Variants in NKAIN2 observed in about 807,000 individuals in gnomAD.
The protein encoded by NKAIN2 is sodium/potassium-transporting ATPase subunit beta-1-interacting protein 2.
In NKAIN2, 14 loss-of-function variants were observed where a neutral mutation model predicts 32.6. The ratio of observed to expected loss-of-function variants is 0.43; its 90% CI spans 0.28 to 0.67. The LOEUF (loss-of-function observed/expected upper bound fraction) is 0.67, where lower values mean the gene tolerates loss of function less well. NKAIN2 is among the 30% of genes least tolerant of loss of function. The probability of loss-of-function intolerance (pLI) is 0.17; values close to 1 mark genes in which losing one functional copy is unlikely to be tolerated. For synonymous variants in NKAIN2, 80 were observed against 87.2 expected (o/e 0.92, Z 0.46); for missense variants, 198 against 258.3 (o/e 0.77, Z 1.60).
intron 2 of NKAIN2, among the ~76,000 whole-genome samples, chr6:124,354,108 C>T (rs1310586539): frequency 6.6e-6 from 1 of 152,174 alleles, no homozygotes; most frequent in African/African-American, 2.4e-5. Context: ...TCGTTTTAAG[C>T]TTGATTCATC....
chr6:124,366,362 T>C (rs1799517319), intron 3 of NKAIN2, among the ~76,000 whole-genome samples: 2 of 152,250 alleles, frequency 1.3e-5, no homozygotes, highest in Admixed American at 6.5e-5. Context: ...GACAAATTCT[T>C]TGGAGACCAC....
intron 4 of NKAIN2, among the ~76,000 whole-genome samples, chr6:124,694,503 TG>T (rs1318787397): frequency 1.3e-5 from 2 of 152,232 alleles, no homozygotes; most frequent in African/African-American, 4.8e-5. Flanking sequence ...CATTTATTGT[TG>T]CCATTCCTGC....
intron 1 of NKAIN2, among the ~76,000 whole-genome samples, chr6:123,813,599 G>T (rs1022413800): frequency 6.6e-6 from 1 of 152,094 alleles, no homozygotes; most frequent in African/African-American, 2.4e-5. Flanking sequence ...ATCACCTGAG[G>T]TCAGGAGTTC....
chr6:124,739,103 T>C (rs956067983), intron 4 of NKAIN2, among the ~76,000 whole-genome samples: 4 of 151,850 alleles, frequency 2.6e-5, no homozygotes, highest in South Asian at 4.1e-4. Flanking sequence ...AACTGTTCAA[T>C]ATAGGCAATA....
chr6:124,358,710 C>A lies in NKAIN2; in HGVS notation c.273+3363C>A, dbSNP rs548140561. On this transcript the variant is annotated intron_variant, in intron 3 of 6. Transcript: ENST00000368417. ...TGAGTAGATTGCACAAATTTTCTCCCATGTTGTAGGTTGCCTGTTCACTCT... is the reference window on the plus strand; with the variant it reads ...TGAGTAGATTGCACAAATTTTCTCCAATGTTGTAGGTTGCCTGTTCACTCT... Among the ~76,000 whole-genome samples, 243 of 151,984 alleles carry A rather than the reference C, an allele frequency of 1.6e-3. 1 individual carries two copies. The highest frequency in any genetic ancestry group is 5.5e-3 in the African/African-American group (228 of 41,348).
At chr6:124,238,907 G>C (rs1792924843) in intron 1 of NKAIN2, among the ~76,000 whole-genome samples, 1 of 152,120 alleles carries the variant, frequency 6.6e-6, no homozygotes, top group African/African-American at 2.4e-5. Context: ...CATAATGACA[G>C]GAACAAATTC....
At chr6:124,262,197 G>A (rs1313408882) in intron 1 of NKAIN2, among the ~76,000 whole-genome samples, 1 of 152,102 alleles carries the variant, frequency 6.6e-6, no homozygotes, top group East Asian at 1.9e-4. Flanking sequence ...AATAGACATT[G>A]AATAATCATT....
At chr6:124,652,401 A>G (rs1784398232) in intron 3 of NKAIN2, among the ~76,000 whole-genome samples, 1 of 152,156 alleles carries the variant, frequency 6.6e-6, no homozygotes, top group African/African-American at 2.4e-5. Flanking sequence ...GTAATCCTCC[A>G]TTTATAGCAA....
intron 1 of NKAIN2, among the ~76,000 whole-genome samples, chr6:123,971,842 T>A (rs1323297501): frequency 6.6e-6 from 1 of 152,170 alleles, no homozygotes; most frequent in Non-Finnish European, 1.5e-5. Flanking sequence ...TTTTGAAAAA[T>A]GCTTTAAGAT....
chr6:123,911,461 G>C (rs1222605676), intron 1 of NKAIN2, among the ~76,000 whole-genome samples: 2 of 151,922 alleles, frequency 1.3e-5, no homozygotes, highest in Non-Finnish European at 2.9e-5. Flanking sequence ...AGGACACTAA[G>C]AGTGAGAACT....
chr6:124,204,575 G>T (rs1790763707), intron 1 of NKAIN2, among the ~76,000 whole-genome samples: 1 of 151,686 alleles, frequency 6.6e-6, no homozygotes, highest in East Asian at 1.9e-4. Flanking sequence ...ACGGTTAAGT[G>T]GTCATGTTAG....
At chr6:124,034,939 T>C (rs1338450394) in intron 1 of NKAIN2, among the ~76,000 whole-genome samples, 2 of 151,940 alleles carry the variant, frequency 1.3e-5, no homozygotes, top group South Asian at 2.1e-4. Flanking sequence ...TACCCTTTTT[T>C]CTAACCACTT....
intron 4 of NKAIN2, among the ~76,000 whole-genome samples, chr6:124,681,530 T>C (rs1773619483): frequency 6.6e-6 from 1 of 152,088 alleles, no homozygotes; most frequent in African/African-American, 2.4e-5. Context: ...TAATTGCTAT[T>C]TTCAGATAAA....
chr6:124,807,703 T>C (rs2114849672), intron 5 of NKAIN2, among the ~76,000 whole-genome samples: 1 of 151,510 alleles, frequency 6.6e-6, no homozygotes, highest in South Asian at 2.1e-4. Context: ...ATCCAGGAGC[T>C]GGTTTTTTGA....
At chr6:124,083,962 G>A (rs1390049320) in intron 1 of NKAIN2, among the ~76,000 whole-genome samples, 1 of 151,896 alleles carries the variant, frequency 6.6e-6, no homozygotes, top group East Asian at 1.9e-4. Flanking sequence ...TATATAACAA[G>A]GGTTTTGATC....
chr6:124,096,858 CAAAAAAAA>C (rs60102766), intron 1 of NKAIN2, among the ~76,000 whole-genome samples: 1 of 102,590 alleles, frequency 9.7e-6, no homozygotes, highest in Non-Finnish European at 1.9e-5. Context: ...ACTCCGTCTC[CAAAAAAAA>C]AAAAAAAAAA....
chr6:124,410,763 G>T (rs567671624), intron 3 of NKAIN2, among the ~76,000 whole-genome samples: 2 of 152,134 alleles, frequency 1.3e-5, no homozygotes, highest in Admixed American at 6.5e-5. Context: ...TTAACTTTCT[G>T]TCTCGATCTG....
intron 3 of NKAIN2, among the ~76,000 whole-genome samples, chr6:124,520,976 T>G (rs1391334479): frequency 6.6e-6 from 1 of 152,222 alleles, no homozygotes; most frequent in Non-Finnish European, 1.5e-5. Flanking sequence ...ATATTGAACT[T>G]GTAATCTGGG....
chr6:124,083,611 A>T (rs1315304102), intron 1 of NKAIN2, among the ~76,000 whole-genome samples: 1 of 151,982 alleles, frequency 6.6e-6, no homozygotes, highest in Non-Finnish European at 1.5e-5. Flanking sequence ...ATAAATTTCA[A>T]ATCAACCTAT....
Sources: gnomAD v4.1 joint callset for allele counts (sites outside exome capture counted in the v4.1 genomes callset) on GRCh38, gnomAD v4.1.1 for gene constraint, MANE v1.5 for transcripts, NCBI Gene and HGNC (gene_info 2026-07-23, HGNC 2026-07-21) for gene names.